Variants in ATG7 observed in about 807,000 individuals in gnomAD.
The protein encoded by ATG7 is ubiquitin-like modifier-activating enzyme ATG7.
In ATG7, 70 loss-of-function variants were observed where a neutral mutation model predicts 82.4. That is an observed-to-expected ratio of 0.85 (90% CI 0.70 to 1.04). The LOEUF is 1.04. Ranked by LOEUF, ATG7 falls within the 50% of genes least tolerant of loss-of-function variation. The probability of loss-of-function intolerance (pLI) is 0.00; values close to 1 mark genes in which losing one functional copy is unlikely to be tolerated. For synonymous variants in ATG7, 287 were observed against 313.0 expected (o/e 0.92, Z 0.88); for missense variants, 792 against 864.3 (o/e 0.92, Z 1.05).
chr3:11,295,701 G>T (rs1945761757), intron 3 of ATG7, among the ~76,000 whole-genome samples: 1 of 151,794 alleles, frequency 6.6e-6, no homozygotes, highest in East Asian at 1.9e-4. Context: ...CTTAGAGTTG[G>T]TAGATATATG....
At chr3:11,343,652 A>G (rs1954027536) in intron 13 of ATG7, among the ~76,000 whole-genome samples, 1 of 152,074 alleles carries the variant, frequency 6.6e-6, no homozygotes, top group Admixed American at 6.6e-5. Flanking sequence ...TGAATGTGGA[A>G]ATTTTTTGGT....
intron 20 of ATG7, among the ~76,000 whole-genome samples, chr3:11,506,776 C>T (rs1416201047): frequency 6.6e-6 from 1 of 151,922 alleles, no homozygotes; most frequent in East Asian, 1.9e-4. Flanking sequence ...CTTCCATCAT[C>T]ACAGAAAGTT....
At chr3:11,400,167 A>T (rs1043549163) in intron 19 of ATG7, among the ~76,000 whole-genome samples, 2 of 152,176 alleles carry the variant, frequency 1.3e-5, no homozygotes, top group Non-Finnish European at 2.9e-5. Flanking sequence ...CTCTTAACAC[A>T]AGAATTTCCA....
chr3:11,342,007 A>T, intron 12 of ATG7, 128 bp from the exon 13 acceptor site: 1 of 1,153,626 alleles, frequency 8.7e-7, no homozygotes, highest in Non-Finnish European at 1.2e-6. Flanking sequence ...CCTCCAGTTT[A>T]ATTTTCTTTT....
intron 20 of ATG7, among the ~76,000 whole-genome samples, chr3:11,521,935 G>C (rs918575134): frequency 3.9e-5 from 6 of 152,178 alleles, no homozygotes; most frequent in Admixed American, 1.3e-4. Flanking sequence ...TAACAAAGTA[G>C]ATAAAGCCTA....
intron 19 of ATG7, among the ~76,000 whole-genome samples, chr3:11,418,112 G>C (rs2081562713): frequency 6.6e-6 from 1 of 150,888 alleles, no homozygotes; most frequent in Admixed American, 6.6e-5. Context: ...CGCCTGGCCT[G>C]TATATTTTTT....
intron 12 of ATG7, 58 bp downstream of exon 12, chr3:11,340,793 A>C: frequency 6.8e-7 from 1 of 1,473,534 alleles, no homozygotes; most frequent in Non-Finnish European, 9.4e-7. Flanking sequence ...ACACACACCA[A>C]GTTCTGTCAG....
At position 11,555,858 on chromosome 3, in the gene ATG7, C is replaced by CAA. The variant is rs1659119883; in HGVS notation, c.*1017_*1018dup. 6.6e-6 allele frequency: 1 copy of CAA among 152,292 alleles called. No homozygotes were observed. The highest frequency in any genetic ancestry group is 1.5e-5 in the Non-Finnish European group (1 of 68,060). 9.4% of individuals were successfully genotyped at this position (152,292 alleles called of 1,614,324 possible). A position where few individuals can be genotyped will look rare whatever the true frequency, so the allele number is the denominator to read the frequency against. On this transcript the variant is annotated 3_prime_UTR_variant, in exon 21 of 21. Coordinates refer to ENST00000693202, the MANE Select transcript of ATG7 (RefSeq NM_001349232.2). The stretch of plus-strand genomic sequence containing the variant: ...TCAGCTTTTGTCTTAGGCCCAGAAT[C>CAA]AAAGTGAAAATTGAGTCGAGCTGAC...
At chr3:11,420,825 G>A (rs1164266185) in intron 19 of ATG7, among the ~76,000 whole-genome samples, 4 of 146,214 alleles carry the variant, frequency 2.7e-5, no homozygotes, top group South Asian at 2.1e-4. Context: ...GCGCGATCTC[G>A]GCTCACTGCA....
intron 20 of ATG7, chr3:11,476,996 T>C: frequency 3.2e-6 from 3 of 931,996 alleles, no homozygotes; most frequent in Non-Finnish European, 4.5e-6. Context: ...AAGCCCTCTT[T>C]ATTACAGTGT....
downstream of ATG7, among the ~76,000 whole-genome samples, chr3:11,559,807 G>T (rs991594899): frequency 6.6e-6 from 1 of 152,144 alleles, no homozygotes; most frequent in African/African-American, 2.4e-5. Flanking sequence ...CGATTCTCCC[G>T]TTAACGTCCC....
At chr3:11,366,733 C>T (rs576240134) in intron 18 of ATG7, among the ~76,000 whole-genome samples, 1 of 151,988 alleles carries the variant, frequency 6.6e-6, no homozygotes, top group African/African-American at 2.4e-5. Flanking sequence ...AAAACAGTCT[C>T]TTTATAGAAG....
intron 20 of ATG7, among the ~76,000 whole-genome samples, chr3:11,482,948 C>G (rs1226976875): frequency 6.6e-6 from 1 of 151,984 alleles, no homozygotes; most frequent in East Asian, 1.9e-4. Context: ...CCCCCTTGAG[C>G]CCCTTACAGT....
At chr3:11,313,639 A>G (rs890448772) in intron 8 of ATG7, among the ~76,000 whole-genome samples, 3 of 152,196 alleles carry the variant, frequency 2.0e-5, no homozygotes, top group African/African-American at 7.2e-5. Context: ...TCTCACCCCC[A>G]TTACGCAGGC....
chr3:11,489,307 T>G (rs2090111060), intron 20 of ATG7, among the ~76,000 whole-genome samples: 1 of 152,248 alleles, frequency 6.6e-6, no homozygotes, highest in African/African-American at 2.4e-5. Flanking sequence ...TTTGTATTTC[T>G]GTGGGATTGG....
intron 19 of ATG7, among the ~76,000 whole-genome samples, chr3:11,416,016 C>T (rs1351238273): frequency 1.3e-5 from 2 of 152,126 alleles, no homozygotes; most frequent in Non-Finnish European, 2.9e-5. Flanking sequence ...AGGAATTTTT[C>T]GGCTCCATTA....
rs988601680 is a variant in ATG7, at chr3:11,517,347, A to G, written c.2080-37464A>G. On this transcript the variant is annotated intron_variant, in intron 20 of 20. Transcript: ENST00000693202. ...AGAGCCAGACTCCACCTCAAAAAAA[A>G]AAAAGAAAAGAAAAGAAAAGAAAAA... Among the ~76,000 whole-genome samples the G allele has an allele frequency of 2.0e-5, 3 of 149,702 alleles. 1 individual carries two copies. The highest frequency in any genetic ancestry group is 7.3e-5 in the African/African-American group (3 of 41,342).
chr3:11,512,442 G>C (rs1243107711), intron 20 of ATG7, among the ~76,000 whole-genome samples: 1 of 152,204 alleles, frequency 6.6e-6, no homozygotes, highest in Non-Finnish European at 1.5e-5. Flanking sequence ...CATTGCACAG[G>C]ATTAATGTTC....
At chr3:11,417,600 T>C (rs1007188623) in intron 19 of ATG7, among the ~76,000 whole-genome samples, 27 of 152,000 alleles carry the variant, frequency 1.8e-4, no homozygotes, top group Admixed American at 1.8e-3. Context: ...AATTGGGTTT[T>C]ATTTCTTGTT....
Sources: gnomAD v4.1 joint callset for allele counts (sites outside exome capture counted in the v4.1 genomes callset) on GRCh38, gnomAD v4.1.1 for gene constraint, MANE v1.5 for transcripts, NCBI Gene and HGNC (gene_info 2026-07-23, HGNC 2026-07-21) for gene names.